Variants in BMPR2 observed in about 807,000 individuals in gnomAD.
BMPR2 encodes bone morphogenetic protein receptor type-2.
BMPR2 carries 29 observed loss-of-function variants against 100.8 expected under a neutral mutation model. That is an observed-to-expected ratio of 0.29 (90% CI 0.21 to 0.39). BMPR2 has a LOEUF of 0.39. BMPR2 is among the 10% of genes least tolerant of loss of function. BMPR2 has a pLI of 1.00. For missense variants in BMPR2, 1,011 were observed against 1,274.5 expected, an observed-to-expected ratio of 0.79 and a Z score of 3.15; for synonymous variants, 382 against 442.3, an observed-to-expected ratio of 0.86 and a Z score of 1.71.
chr2:202,377,656 C>G (rs914586904), intron 1 of BMPR2, 106 bp downstream of exon 1: 2 of 1,347,872 alleles, frequency 1.5e-6, no homozygotes, highest in Admixed American at 3.6e-5. Flanking sequence ...TGCGTCCCCC[C>G]GATCGCGGTG....
intron 3 of BMPR2, among the ~76,000 whole-genome samples, chr2:202,494,330 A>C (rs547924780): frequency 6.6e-6 from 1 of 152,206 alleles, no homozygotes; most frequent in Non-Finnish European, 1.5e-5. Flanking sequence ...TGACATAACC[A>C]CTAGTGTGTT....
At chr2:202,485,545 C>CTTTTTTTTTTTT (rs762096820) in intron 3 of BMPR2, among the ~76,000 whole-genome samples, 6,321 of 63,668 alleles carry the variant, frequency 0.099, 1,888 homozygotes, top group South Asian at 0.21. Context: ...TTGCCTTTAT[C>CTTTTTTTTTTTT]TTTTTTTTTT....
chr2:202,520,622 C>G lies in BMPR2; in HGVS notation c.967+421C>G, dbSNP rs376000485. On this transcript the variant is annotated intron_variant, in intron 7 of 12. Transcript: ENST00000374580. ...ATGGGTCCCCAGCCACATCTTTTGGCAGACCACCTGCGGTAGGCTGCCCCA... is the reference window on the plus strand; with the variant it reads ...ATGGGTCCCCAGCCACATCTTTTGGGAGACCACCTGCGGTAGGCTGCCCCA... 2.8e-4 allele frequency: 66 copies of G among 236,954 alleles called. No homozygotes were observed. The East Asian group carries it at 5.1e-3, about 18-fold the overall frequency. 14.7% of individuals were successfully genotyped at this position (236,954 alleles called of 1,614,324 possible).
At position 202,564,210 on chromosome 2, in the gene BMPR2, A is replaced by T. The variant is rs982937974; in HGVS notation, c.*4264A>T. 1.3e-5 allele frequency: 2 copies of T among 152,174 alleles called. No individual in the cohort carries two copies. Among genetic ancestry groups the T allele is most frequent in the African/African-American group, 2.4e-5 (1 of 41,452 alleles). The allele number at this position is 152,174 out of a possible 1,614,324, so 9.4% of individuals were successfully genotyped here. ...GCTTTTCCTTTTTTCATATTTATGGACATGAATATTTTATTGGAGATCATT... is the reference window on the plus strand; with the variant it reads ...GCTTTTCCTTTTTTCATATTTATGGTCATGAATATTTTATTGGAGATCATT... On this transcript the variant is annotated 3_prime_UTR_variant, in exon 13 of 13. Coordinates refer to ENST00000374580, the MANE Select transcript of BMPR2 (RefSeq NM_001204.7).
chr2:202,433,298 T>A (rs1034863524), intron 1 of BMPR2, among the ~76,000 whole-genome samples: 24 of 150,442 alleles, frequency 1.6e-4, no homozygotes, highest in Non-Finnish European at 2.4e-4. Flanking sequence ...TATAGATAGA[T>A]ACACAAGGGG....
At chr2:202,548,462 CAAAAAA>C (rs1323997914) in intron 10 of BMPR2, among the ~76,000 whole-genome samples, 1 of 143,704 alleles carries the variant, frequency 7.0e-6, no homozygotes, top group Non-Finnish European at 1.5e-5. Context: ...GACCCCATCT[CAAAAAA>C]AAAAGCAAAG....
chr2:202,399,277 T>G (rs1690714442), intron 1 of BMPR2, among the ~76,000 whole-genome samples: 1 of 152,172 alleles, frequency 6.6e-6, no homozygotes, highest in Admixed American at 6.5e-5. Flanking sequence ...GCTTTCCTTA[T>G]GAGGTGAGAC....
At chr2:202,506,852 A>G (rs1005881191) in intron 3 of BMPR2, among the ~76,000 whole-genome samples, 1 of 152,100 alleles carries the variant, frequency 6.6e-6, no homozygotes, top group Non-Finnish European at 1.5e-5. Context: ...GTGAGCTGAG[A>G]TCGCGCCACT....
chr2:202,377,015 G>GCCGCCC lies in BMPR2; in HGVS notation c.-459_-454dup. On this transcript the variant is annotated 5_prime_UTR_variant, in exon 1 of 13. Transcript: ENST00000374580. The stretch of plus-strand genomic sequence containing the variant: ...GCGACTAGGGCTGCCGGGCGCCGCC[G>GCCGCCC]CCGCCCGTCCGGCTTCGTCCTTCCC... 2.2e-6 allele frequency: 1 copy of GCCGCCC among 458,746 alleles called. No homozygotes were observed. Among genetic ancestry groups the GCCGCCC allele is most frequent in the Middle Eastern group, 5.7e-4 (1 of 1,746 alleles). 28.4% of individuals were successfully genotyped at this position (458,746 alleles called of 1,614,324 possible).
chr2:202,455,409 T>G (rs1692073596), intron 1 of BMPR2, among the ~76,000 whole-genome samples: 1 of 152,106 alleles, frequency 6.6e-6, no homozygotes, highest in Admixed American at 6.6e-5. Flanking sequence ...TAAAAAAATA[T>G]GACTACTGGT....
rs778368162 is a variant in BMPR2, at chr2:202,556,096, G to A, written c.2431G>A (p.Gly811Ser). 1.1e-5 allele frequency: 18 copies of A among 1,614,046 alleles called. No homozygotes were observed. Among genetic ancestry groups the A allele is most frequent in the Non-Finnish European group, 1.5e-5 (18 of 1,180,050 alleles). The change falls in exon 12 of 13, where the codon GGT (glycine) becomes AGT (serine). Residue 811 changes from glycine to serine, a missense_variant. By Grantham distance (56) the Gly-to-Ser change is moderately conservative (BLOSUM62 0). Coordinates refer to ENST00000374580, the MANE Select transcript of BMPR2 (RefSeq NM_001204.7). ...VVTVTMNGVA[G>S]RNHSVNSHAA... ...GACAGTCACCATGAATGGTGTGGCAGGTAGAAACCACAGTGTTAACTCCCA... is the reference window on the plus strand; with the variant it reads ...GACAGTCACCATGAATGGTGTGGCAAGTAGAAACCACAGTGTTAACTCCCA...
intron 10 of BMPR2, among the ~76,000 whole-genome samples, chr2:202,547,569 C>G (rs916460901): frequency 1.1e-4 from 16 of 148,192 alleles, no homozygotes; most frequent in Non-Finnish European, 6.0e-5. Flanking sequence ...GATTACTTGA[C>G]GTCAGGAGTT....
intron 3 of BMPR2, chr2:202,474,862 T>A (rs547416694): frequency 1.3e-5 from 2 of 152,232 alleles, no homozygotes; most frequent in Non-Finnish European, 2.9e-5. Flanking sequence ...ATTGTTTGAA[T>A]CTTTAATTTA....
chr2:202,482,795 T>C (rs925195088), intron 3 of BMPR2, among the ~76,000 whole-genome samples: 1 of 152,164 alleles, frequency 6.6e-6, no homozygotes, highest in South Asian at 2.1e-4. Flanking sequence ...TGCCTCGGCC[T>C]CTCAAAGTGC....
At chr2:202,556,942 G>A (rs1688584395) in intron 12 of BMPR2, among the ~76,000 whole-genome samples, 1 of 151,876 alleles carries the variant, frequency 6.6e-6, no homozygotes, top group South Asian at 2.1e-4. Context: ...AATTAGCCAG[G>A]CGTGGTGGCG....
intron 1 of BMPR2, among the ~76,000 whole-genome samples, chr2:202,388,414 A>C (rs1036767441): frequency 5.3e-5 from 8 of 150,556 alleles, no homozygotes; most frequent in Non-Finnish European, 8.9e-5. Context: ...AAAAAAAAAA[A>C]AAAAAACATT....
At chr2:202,459,307 C>T (rs1419799924) in intron 1 of BMPR2, among the ~76,000 whole-genome samples, 1 of 152,156 alleles carries the variant, frequency 6.6e-6, no homozygotes, top group Non-Finnish European at 1.5e-5. Flanking sequence ...AATTATACAT[C>T]ACAAGAAATA....
At position 202,503,346 on chromosome 2, in the gene BMPR2, C is replaced by T. The variant is rs190848139; in HGVS notation, c.419-10373C>T. On this transcript the variant is annotated intron_variant, in intron 3 of 12. Transcript: ENST00000374580. This position sits in a 1 kb window ranked among gnomAD's most constrained non-coding sequence, Gnocchi z 4.0. ...AGCCCCTTTCTGGGCTGGCCAAGGC[C>T]GGAGCCCACTCCCTCAGCTTGCAGG... Among the ~76,000 whole-genome samples the T allele has an allele frequency of 2.0e-5, 3 of 152,210 alleles. No individual in the cohort carries two copies. Among genetic ancestry groups the T allele is most frequent in the African/African-American group, 4.8e-5 (2 of 41,466 alleles).
intron 1 of BMPR2, among the ~76,000 whole-genome samples, chr2:202,452,812 A>T (rs1457302444): frequency 6.6e-6 from 1 of 152,234 alleles, no homozygotes; most frequent in Non-Finnish European, 1.5e-5. Context: ...AAGCACATTT[A>T]CAAGTAGTAA....
Sources: allele counts gnomAD v4.1 joint callset (sites outside exome capture counted in the v4.1 genomes callset), GRCh38; gene constraint gnomAD v4.1.1; non-coding constraint Gnocchi (gnomAD v3.1); transcripts MANE v1.5; gene names NCBI Gene and HGNC (gene_info 2026-07-23, HGNC 2026-07-21).